Variants in GALNT13 observed in about 807,000 individuals in gnomAD.
GALNT13 encodes the protein polypeptide N-acetylgalactosaminyltransferase 13, also known as UDP-GalNAc:polypeptide N-acetylgalactosaminyltransferase 13.
In GALNT13, 28 loss-of-function variants were observed where a neutral mutation model predicts 64.2. That is an observed-to-expected ratio of 0.44 (90% confidence interval 0.32 to 0.60). The LOEUF (loss-of-function observed/expected upper bound fraction) is 0.60, where lower values mean the gene tolerates loss of function less well. Among genes scored for constraint, GALNT13 ranks in the 20% least tolerant of loss-of-function variants. The pLI, the probability that GALNT13 is intolerant of heterozygous loss-of-function variation, is 0.05. For synonymous variants in GALNT13, 214 were observed against 224.6 expected, an observed-to-expected ratio of 0.95 and a Z score of 0.42; for missense variants, 577 against 669.8, an observed-to-expected ratio of 0.86 and a Z score of 1.53.
the GALNT13 span, among the ~76,000 whole-genome samples, chr2:153,357,856 A>G: frequency 6.6e-6 from 1 of 152,212 alleles, no homozygotes; most frequent in Non-Finnish European, 1.5e-5. Flanking sequence ...TTTAATGGGA[A>G]TACATCTTAG....
the GALNT13 span, among the ~76,000 whole-genome samples, chr2:153,496,025 G>C: frequency 1.3e-5 from 2 of 152,204 alleles, no homozygotes; most frequent in African/African-American, 2.4e-5. Context: ...TAGCCCTGCC[G>C]ATGGTGTCCA....
At chr2:154,179,036 C>T (rs950654166) in intron 4 of GALNT13, among the ~76,000 whole-genome samples, 4 of 152,072 alleles carry the variant, frequency 2.6e-5, no homozygotes, top group African/African-American at 4.8e-5. Flanking sequence ...TTTACCATGG[C>T]GTTCCCTTTG....
intron 10 of GALNT13, among the ~76,000 whole-genome samples, chr2:154,398,511 T>C (rs1699155499): frequency 7.6e-6 from 1 of 132,236 alleles, no homozygotes. Flanking sequence ...ATTAGCTATC[T>C]TCTAAATGGA....
the GALNT13 span, among the ~76,000 whole-genome samples, chr2:153,679,013 A>T: frequency 6.6e-6 from 1 of 152,006 alleles, no homozygotes; most frequent in African/African-American, 2.4e-5. Flanking sequence ...GGCCAGGAGC[A>T]TGAGCAGTCA....
At chr2:154,045,275 CAGTCA>C (rs1699217872) in intron 3 of GALNT13, among the ~76,000 whole-genome samples, 1 of 152,134 alleles carries the variant, frequency 6.6e-6, no homozygotes, top group Admixed American at 6.5e-5. Context: ...GACTTTATTT[CAGTCA>C]AGTCATGTGA....
chr2:153,124,570 A>G, the GALNT13 span, among the ~76,000 whole-genome samples: 2 of 152,124 alleles, frequency 1.3e-5, no homozygotes, highest in Non-Finnish European at 2.9e-5. Context: ...CAGTGGCGCA[A>G]TCTCAGCTCA....
Position 154,451,134 on chromosome 2 carries a change from C to T in GALNT13, c.*583C>T, listed in dbSNP as rs1574338386. 6.6e-6 allele frequency: 1 copy of T among 151,968 alleles called. No homozygotes were observed. Among genetic ancestry groups the T allele is most frequent in the East Asian group, 1.9e-4 (1 of 5,184 alleles). The allele number at this position is 151,968 out of a possible 1,614,324, so 9.4% of individuals were successfully genotyped here. Reference sequence around the variant, plus strand: ...CCTTTACAGAAGCATCACATTTAAACCAATGTGAATTCAAAAAAGAGAAGG... The same window carrying T: ...CCTTTACAGAAGCATCACATTTAAATCAATGTGAATTCAAAAAAGAGAAGG... On this transcript the variant is annotated 3_prime_UTR_variant, in exon 13 of 13. Coordinates refer to ENST00000392825, the MANE Select transcript of GALNT13 (RefSeq NM_052917.4).
chr2:154,181,739 G>T (rs2105731620), intron 4 of GALNT13, among the ~76,000 whole-genome samples: 1 of 151,804 alleles, frequency 6.6e-6, no homozygotes, highest in African/African-American at 2.4e-5. Flanking sequence ...TCTCTTACAG[G>T]TTGCTCAAAG....
the GALNT13 span, among the ~76,000 whole-genome samples, chr2:153,248,513 C>CT: frequency 1.5e-4 from 1 of 6,736 alleles, no homozygotes; most frequent in African/African-American, 4.0e-3. Context: ...AATTCAACAT[C>CT]CTTTATGTTA....
chr2:153,555,793 T>A, the GALNT13 span, among the ~76,000 whole-genome samples: 2 of 152,242 alleles, frequency 1.3e-5, no homozygotes, highest in Non-Finnish European at 2.9e-5. Context: ...TCCGATCTTT[T>A]TAAAATTTGT....
chr2:154,147,899 G>C (rs1056873711), intron 4 of GALNT13, among the ~76,000 whole-genome samples: 4 of 149,548 alleles, frequency 2.7e-5, no homozygotes, highest in African/African-American at 9.8e-5. Context: ...TTTTTTGCTG[G>C]GATTTTGCTT....
At chr2:153,446,675 A>G in the GALNT13 span, 2 of 152,180 alleles carry the variant, frequency 1.3e-5, no homozygotes, top group Non-Finnish European at 2.9e-5. Context: ...CAGGGACTAC[A>G]TTGATTTTTT....
chr2:153,170,269 G>T, the GALNT13 span, among the ~76,000 whole-genome samples: 1 of 151,892 alleles, frequency 6.6e-6, no homozygotes, highest in Non-Finnish European at 1.5e-5. Flanking sequence ...TTATTTGGTT[G>T]ATATAATAAT....
the GALNT13 span, among the ~76,000 whole-genome samples, chr2:153,362,553 C>CAAAAAAAAAAAAAAAAAAAAA: frequency 1.2e-5 from 1 of 80,320 alleles, no homozygotes; most frequent in Non-Finnish European, 2.3e-5. Context: ...AAATGGAGAG[C>CAAAAAAAAAAAAAAAAAAAAA]AAAAAAAAAA....
At chr2:153,080,186 T>C in the GALNT13 span, among the ~76,000 whole-genome samples, 1 of 152,192 alleles carries the variant, frequency 6.6e-6, no homozygotes, top group Non-Finnish European at 1.5e-5. Context: ...GAAATAGCTT[T>C]TATATTCATT....
At chr2:153,658,405 C>T in the GALNT13 span, among the ~76,000 whole-genome samples, 1 of 152,008 alleles carries the variant, frequency 6.6e-6, no homozygotes, top group African/African-American at 2.4e-5. Flanking sequence ...TCTTTGACTC[C>T]CTTATGTGGT....
At chr2:153,418,015 G>A in the GALNT13 span, among the ~76,000 whole-genome samples, 12 of 152,166 alleles carry the variant, frequency 7.9e-5, no homozygotes, top group Non-Finnish European at 1.6e-4. Flanking sequence ...GAATGTGGTA[G>A]GCAGCAAAAT....
intron 4 of GALNT13, among the ~76,000 whole-genome samples, chr2:154,174,388 T>C (rs1573809020): frequency 6.6e-6 from 1 of 152,140 alleles, no homozygotes; most frequent in African/African-American, 2.4e-5. Context: ...CTGATCTGTA[T>C]AGTCAAAGAC....
intron 2 of GALNT13, among the ~76,000 whole-genome samples, chr2:153,912,066 A>G (rs1439282778): frequency 6.6e-6 from 1 of 152,108 alleles, no homozygotes; most frequent in East Asian, 1.9e-4. Context: ...GTCTCTTTAT[A>G]TAATCCCATA....
Sources: gnomAD v4.1 joint callset for allele counts (sites outside exome capture counted in the v4.1 genomes callset) on GRCh38, gnomAD v4.1.1 for gene constraint, MANE v1.5 for transcripts, NCBI Gene and HGNC (gene_info 2026-07-23, HGNC 2026-07-21) for gene names.